The following PTPRN2 variants were observed in gnomAD, a reference collection of about 807,000 sequenced individuals.
PTPRN2 encodes the protein protein tyrosine phosphatase receptor type N2, also known as receptor-type tyrosine-protein phosphatase N2.
PTPRN2 carries 74 observed loss-of-function variants against 118.8 expected under a neutral mutation model. The ratio of observed to expected loss-of-function variants is 0.62; its 90% CI spans 0.52 to 0.76. The LOEUF (loss-of-function observed/expected upper bound fraction) is 0.76, where lower values mean the gene tolerates loss of function less well. Ranked by LOEUF, PTPRN2 falls within the 30% of genes least tolerant of loss-of-function variation. PTPRN2 has a pLI of 0.00. For missense variants in PTPRN2, 1,481 were observed against 1,394.4 expected (o/e 1.06, Z -0.99); for synonymous variants, 641 against 608.0 (o/e 1.05, Z -0.80).
At chr7:157,982,801 G>A (rs1585135495) in intron 11 of PTPRN2, among the ~76,000 whole-genome samples, 4 of 129,014 alleles carry the variant, frequency 3.1e-5, no homozygotes, top group East Asian at 2.4e-4. Flanking sequence ...GACGAGGAGG[G>A]GAATGCAGAG....
intron 2 of PTPRN2, among the ~76,000 whole-genome samples, chr7:158,444,329 C>T (rs553252179): frequency 6.6e-6 from 1 of 152,400 alleles, no homozygotes; most frequent in Non-Finnish European, 1.5e-5. Context: ...TGAGCCCCAG[C>T]GCCCAGGCGC....
At chr7:157,607,026 C>T (rs897095756) in intron 15 of PTPRN2, among the ~76,000 whole-genome samples, 21 of 152,210 alleles carry the variant, frequency 1.4e-4, no homozygotes, top group African/African-American at 4.6e-4. Flanking sequence ...CTGAATGCCT[C>T]AGGAATGTCA....
chr7:158,302,346 T>C (rs144127483), intron 3 of PTPRN2, among the ~76,000 whole-genome samples: 382 of 152,352 alleles, frequency 2.5e-3, no homozygotes, highest in Non-Finnish European at 4.3e-3. Flanking sequence ...TGATCCCTCA[T>C]GTGGGACACA....
At chr7:157,645,935 C>T (rs1289177725) in intron 14 of PTPRN2, among the ~76,000 whole-genome samples, 1 of 152,200 alleles carries the variant, frequency 6.6e-6, no homozygotes, top group East Asian at 1.9e-4. Context: ...GAGTTTAGAG[C>T]TTAGGTCACT....
chr7:157,546,107 A>G (rs1369610067), intron 22 of PTPRN2, among the ~76,000 whole-genome samples: 2 of 152,132 alleles, frequency 1.3e-5, no homozygotes, highest in African/African-American at 4.8e-5. Context: ...ACAGCTCCTG[A>G]ACACACACCC....
At chr7:157,557,871 A>G (rs150999743) in intron 21 of PTPRN2, among the ~76,000 whole-genome samples, 1 of 151,824 alleles carries the variant, frequency 6.6e-6, no homozygotes, top group East Asian at 1.9e-4. Context: ...TATTAAAAAT[A>G]TAAGTTAAAG....
At chr7:157,886,549 C>T (rs991492911) in intron 12 of PTPRN2, among the ~76,000 whole-genome samples, 2 of 152,152 alleles carry the variant, frequency 1.3e-5, no homozygotes, top group Non-Finnish European at 2.9e-5. Flanking sequence ...GAGAAGGCAT[C>T]CGTGAGCCAG....
chr7:158,005,588 G>C (rs1229873943), intron 11 of PTPRN2, among the ~76,000 whole-genome samples: 1 of 152,230 alleles, frequency 6.6e-6, no homozygotes, highest in African/African-American at 2.4e-5. Context: ...ATTAGCTGCA[G>C]CGTTTTGCTG....
rs1799152679 is a variant in PTPRN2, at chr7:157,560,850, CCAAACATAAA to C, written c.2902+8042_2902+8051del. Among the ~76,000 whole-genome samples the C allele has an allele frequency of 6.6e-6, 1 of 152,124 alleles. No individual in the cohort carries two copies. Among genetic ancestry groups the C allele is most frequent in the African/African-American group, 2.4e-5 (1 of 41,416 alleles). On this transcript the variant is annotated intron_variant, in intron 21 of 22. Transcript: ENST00000389418. The surrounding 1 kb of genome is among the most constrained non-coding windows in gnomAD (Gnocchi z 6.7). ...GGCCCTTCGTGTTTTCATGTTTCAGCCAAACATAAAAGCGAGACGTCTCCTGCTCAGCTTT... is the reference window on the plus strand; with the variant it reads ...GGCCCTTCGTGTTTTCATGTTTCAGCAGCGAGACGTCTCCTGCTCAGCTTT...
chr7:158,134,426 T>C (rs1818638625), intron 8 of PTPRN2, among the ~76,000 whole-genome samples: 1 of 152,100 alleles, frequency 6.6e-6, no homozygotes, highest in Admixed American at 6.5e-5. Flanking sequence ...CCCAGCCCTC[T>C]AGAAGCAATG....
At chr7:157,982,985 C>T (rs1418880489) in intron 11 of PTPRN2, among the ~76,000 whole-genome samples, 74 of 27,502 alleles carry the variant, frequency 2.7e-3, no homozygotes, top group Non-Finnish European at 4.6e-3. Context: ...GGGTCCCCCC[C>T]AAACCCCGAG....
intron 3 of PTPRN2, among the ~76,000 whole-genome samples, chr7:158,220,093 A>G (rs1259817564): frequency 2.0e-5 from 3 of 152,182 alleles, no homozygotes; most frequent in Admixed American, 6.5e-5. Context: ...AGGGCTTTCA[A>G]TAAAATTCAA....
chr7:157,588,184 A>G (rs1420676831), intron 17 of PTPRN2, among the ~76,000 whole-genome samples: 1 of 152,210 alleles, frequency 6.6e-6, no homozygotes, highest in East Asian at 1.9e-4. Flanking sequence ...GGGCACAGCC[A>G]GTGTTTGGTG....
chr7:158,274,275 A>G (rs1261780096), intron 3 of PTPRN2, among the ~76,000 whole-genome samples: 1 of 139,810 alleles, frequency 7.2e-6, no homozygotes. Context: ...CCGCAGACAC[A>G]GGGGGAGACG....
rs958236433 is a variant in PTPRN2, at chr7:157,929,288, C to A, written c.1724-30551G>T. On this transcript the variant is annotated intron_variant, in intron 11 of 22. Transcript: ENST00000389418. The surrounding 1 kb of genome is among the most constrained non-coding windows in gnomAD (Gnocchi z 4.4). Reference sequence around the variant, plus strand: ...GGCAGCCTGCCATCCGCTCTCTGCTCCTCTGACTACCTTCAGCAACCCTGC... The same window carrying A: ...GGCAGCCTGCCATCCGCTCTCTGCTACTCTGACTACCTTCAGCAACCCTGC... Among the ~76,000 whole-genome samples, 5 of 152,192 alleles carry A rather than the reference C, an allele frequency of 3.3e-5. No individual in the cohort carries two copies. The highest frequency in any genetic ancestry group is 1.2e-4 in the African/African-American group (5 of 41,458).
chr7:158,179,387 G>A (rs1455997280), intron 5 of PTPRN2, among the ~76,000 whole-genome samples: 2 of 152,144 alleles, frequency 1.3e-5, no homozygotes, highest in East Asian at 1.9e-4. Flanking sequence ...GTTCCTTGTA[G>A]ATTCTGGATG....
At chr7:157,907,732 G>A (rs888442587) in intron 11 of PTPRN2, among the ~76,000 whole-genome samples, 3 of 130,736 alleles carry the variant, frequency 2.3e-5, no homozygotes, top group South Asian at 2.6e-4. Context: ...CTCCCTGTCC[G>A]CTGCGTGTGG....
intron 1 of PTPRN2, among the ~76,000 whole-genome samples, chr7:158,585,718 C>T (rs1163984565): frequency 2.0e-5 from 3 of 152,214 alleles, no homozygotes; most frequent in African/African-American, 4.8e-5. Flanking sequence ...TGGAAGAATG[C>T]TGTGAACTAG....
At chr7:158,130,186 G>A (rs112141928) in intron 9 of PTPRN2, among the ~76,000 whole-genome samples, 2,845 of 152,306 alleles carry the variant, frequency 0.019, 72 homozygotes, top group African/African-American at 0.058. Context: ...CACAGCGACA[G>A]CACCAGCCCG....
Sources: gnomAD v4.1 joint callset for allele counts (sites outside exome capture counted in the v4.1 genomes callset) on GRCh38, gnomAD v4.1.1 for gene constraint, Gnocchi (gnomAD v3.1) non-coding constraint, MANE v1.5 for transcripts, NCBI Gene and HGNC (gene_info 2026-07-23, HGNC 2026-07-21) for gene names.